ATP6V0A1: variants seen among roughly 807,000 people sequenced by gnomAD.
ATP6V0A1 encodes the protein V-type proton ATPase 116 kDa subunit a 1.
In ATP6V0A1, 43 loss-of-function variants were observed where a neutral mutation model predicts 105.4. The ratio of observed to expected loss-of-function variants is 0.41; its 90% confidence interval spans 0.32 to 0.53. ATP6V0A1 has a LOEUF of 0.53. ATP6V0A1 is among the 20% of genes least tolerant of loss of function. The pLI, the probability that ATP6V0A1 is intolerant of heterozygous loss-of-function variation, is 0.30. For synonymous variants in ATP6V0A1, 362 were observed against 372.8 expected, an observed-to-expected ratio of 0.97 and a Z score of 0.33; for missense variants, 676 against 1,051.1, an observed-to-expected ratio of 0.64 and a Z score of 4.93.
In ATP6V0A1 at chr17:42,468,050, T is replaced by C. The variant is rs1468326591; in HGVS notation, c.237T>C (p.Ile79=). 5 of 1,606,928 alleles carry C rather than the reference T, an allele frequency of 3.1e-6. No homozygotes were observed. The highest frequency in any genetic ancestry group is 4.2e-6 in the Non-Finnish European group (5 of 1,176,508). Residue 79 remains isoleucine, a synonymous_variant, in exon 4 of 22, where the codon ATT becomes ATC. Transcript: ENST00000343619. ...EKEIRKANIP[I]MDTGENPEVP... is the part of the protein sequence containing the mutation. ...AGATAAGAAAAGCTAACATTCCGAT[T>C]ATGGACACCGGTGAAAACCCAGAGG...
chr17:42,484,206 C>T (rs960941223), intron 9 of ATP6V0A1, among the ~76,000 whole-genome samples: 6 of 151,722 alleles, frequency 4.0e-5, no homozygotes, highest in South Asian at 2.1e-4. Flanking sequence ...TACAGGGGCC[C>T]GCCACACGCC....
At chr17:42,493,940 T>C (rs1319344704) in intron 11 of ATP6V0A1, among the ~76,000 whole-genome samples, 3 of 152,164 alleles carry the variant, frequency 2.0e-5, no homozygotes, top group Non-Finnish European at 4.4e-5. Context: ...AGTCACCTTA[T>C]ATTGATCTTA....
intron 21 of ATP6V0A1, 49 bp from the exon 22 acceptor site, chr17:42,520,978 C>T (rs2092819064): frequency 6.7e-7 from 1 of 1,501,850 alleles, no homozygotes; most frequent in African/African-American, 1.4e-5. Context: ...TCCTAAAAAG[C>T]TTCACAAAGT....
chr17:42,490,869 G>A (rs890227659), intron 11 of ATP6V0A1, among the ~76,000 whole-genome samples: 1 of 151,862 alleles, frequency 6.6e-6, no homozygotes, highest in Non-Finnish European at 1.5e-5. Flanking sequence ...TTTATTTTAT[G>A]ATTTTTTTTT....
intron 7 of ATP6V0A1, among the ~76,000 whole-genome samples, chr17:42,479,830 G>A (rs1395107746): frequency 6.6e-6 from 1 of 152,170 alleles, no homozygotes; most frequent in African/African-American, 2.4e-5. Context: ...GGAATATTCA[G>A]TCAAGTTTCC....
chr17:42,520,065 C>T (rs1328652188), intron 21 of ATP6V0A1: 7 of 183,128 alleles, frequency 3.8e-5, no homozygotes, highest in East Asian at 1.5e-4. Flanking sequence ...AGCTTTAAAG[C>T]GCCTCAAAGC....
chr17:42,517,398 C>T (rs554732756), intron 21 of ATP6V0A1, among the ~76,000 whole-genome samples: 43 of 152,288 alleles, frequency 2.8e-4, no homozygotes, highest in African/African-American at 9.9e-4. Context: ...GAGAAGACCC[C>T]AGAGGAGGCA....
chr17:42,478,428 G>A, intron 6 of ATP6V0A1, 35 bp from the exon 7 acceptor site: 7 of 1,547,676 alleles, frequency 4.5e-6, no homozygotes, highest in Non-Finnish European at 6.1e-6. Context: ...CCATGACATG[G>A]AATAGAGTTT....
At chr17:42,507,426 C>T (rs561498241) in intron 17 of ATP6V0A1, 94 bp from the exon 18 acceptor site, 1 of 861,924 alleles carries the variant, frequency 1.2e-6, no homozygotes, top group Non-Finnish European at 1.9e-6. Flanking sequence ...ATATGCTTTT[C>T]TGAGGTTTGT....
At position 42,514,479 on chromosome 17, in the gene ATP6V0A1, G is replaced by A. The variant is rs779840519; in HGVS notation, c.2420+19G>A. On this transcript the variant is annotated intron_variant, in intron 21 of 21. Coordinates refer to ENST00000343619, the MANE Select transcript of ATP6V0A1 (RefSeq NM_001130021.3). ...TACACTGGTGAGGGGCAGTGGGGCA[G>A]GGCGGGCATGGGGGTGGATGTGTCC... 2 of 1,565,144 alleles carry A rather than the reference G, an allele frequency of 1.3e-6. No individual in the cohort carries two copies. Among genetic ancestry groups the A allele is most frequent in the East Asian group, 4.5e-5 (2 of 44,072 alleles).
At chr17:42,496,903 A>G (rs1220826638) in intron 14 of ATP6V0A1, among the ~76,000 whole-genome samples, 3 of 152,218 alleles carry the variant, frequency 2.0e-5, no homozygotes, top group East Asian at 1.9e-4. Flanking sequence ...GGGAAAATAT[A>G]TAAGATAAAC....
chr17:42,468,875 C>T (rs1035671240), intron 4 of ATP6V0A1, among the ~76,000 whole-genome samples: 1 of 150,746 alleles, frequency 6.6e-6, no homozygotes, highest in African/African-American at 2.5e-5. Flanking sequence ...ATTTTTGAGA[C>T]ATAGCTATCA....
At position 42,487,331 on chromosome 17, in the gene ATP6V0A1, C is replaced by T. The variant is rs751189923; in HGVS notation, c.987C>T (p.Asp329=). Residue 329 remains aspartate, a synonymous_variant, in exon 10 of 22, where the codon GAC becomes GAT. Transcript: ENST00000343619. ...CAGAGGTCTGGTGCCCTGTCACCGACCTTGACTCCATCCAGTTTGCACTCA... is the reference window on the plus strand; with the variant it reads ...CAGAGGTCTGGTGCCCTGTCACCGATCTTGACTCCATCCAGTTTGCACTCA... ...LIAEVWCPVT[D]LDSIQFALRR... is the part of the protein sequence containing the mutation. 1.2e-6 allele frequency: 2 copies of T among 1,613,958 alleles called. No individual in the cohort carries two copies. Among genetic ancestry groups the T allele is most frequent in the Non-Finnish European group, 1.7e-6 (2 of 1,180,040 alleles).
intron 21 of ATP6V0A1, chr17:42,518,660 C>G (rs1599200127): frequency 2.0e-5 from 3 of 152,272 alleles, no homozygotes; most frequent in South Asian, 4.1e-4. Context: ...GTTAATCCCT[C>G]TGAGTCACCA....
At chr17:42,512,358 C>T (rs1416494154) in intron 19 of ATP6V0A1, among the ~76,000 whole-genome samples, 12 of 152,158 alleles carry the variant, frequency 7.9e-5, no homozygotes, top group Non-Finnish European at 1.0e-4. Context: ...TAAGGGAGCC[C>T]AGTGGTCACT....
At chr17:42,462,868 C>T (rs2086591809) in intron 2 of ATP6V0A1, among the ~76,000 whole-genome samples, 1 of 152,182 alleles carries the variant, frequency 6.6e-6, no homozygotes, top group Admixed American at 6.5e-5. Flanking sequence ...CTGCCTCAGC[C>T]TCCCAAAGTG....
At chr17:42,465,735 G>A (rs577184561) in intron 2 of ATP6V0A1, among the ~76,000 whole-genome samples, 14 of 151,812 alleles carry the variant, frequency 9.2e-5, no homozygotes, top group Non-Finnish European at 1.9e-4. Context: ...AGGCCGAGGT[G>A]GGTGGATCAC....
intron 11 of ATP6V0A1, among the ~76,000 whole-genome samples, chr17:42,491,602 GC>G: frequency 1.3e-5 from 2 of 152,270 alleles, no homozygotes; most frequent in East Asian, 1.9e-4. Context: ...TCCTGCCTCA[GC>G]CTCCCGAGTA....
At chr17:42,487,727 C>T (rs901104399) in intron 10 of ATP6V0A1, among the ~76,000 whole-genome samples, 19 of 147,900 alleles carry the variant, frequency 1.3e-4, no homozygotes, top group African/African-American at 4.3e-4. Flanking sequence ...GACTCTGTCT[C>T]AAAAAAAAAA....
Sources: gnomAD v4.1 joint callset for allele counts (sites outside exome capture counted in the v4.1 genomes callset) on GRCh38, gnomAD v4.1.1 for gene constraint, MANE v1.5 for transcripts, NCBI Gene and HGNC (gene_info 2026-07-23, HGNC 2026-07-21) for gene names.